The following STX8 variants were observed in gnomAD, a reference collection of about 807,000 sequenced individuals.
STX8 encodes the protein syntaxin-8.
Under a neutral mutation model 37.5 loss-of-function variants are expected in STX8, and 23 were observed. The observed-to-expected ratio is 0.61, with a 90% CI of 0.44 to 0.87. The LOEUF is 0.87. Ranked by LOEUF, STX8 falls within the 40% of genes least tolerant of loss-of-function variation. The probability of loss-of-function intolerance (pLI) is 0.00; values close to 1 mark genes in which losing one functional copy is unlikely to be tolerated. For missense variants in STX8, 313 were observed against 284.7 expected, an observed-to-expected ratio of 1.10 and a Z score of -0.71; for synonymous variants, 115 against 99.1, an observed-to-expected ratio of 1.16 and a Z score of -0.95.
At chr17:9,511,034 T>C (rs1218621690) in intron 4 of STX8, among the ~76,000 whole-genome samples, 1 of 152,074 alleles carries the variant, frequency 6.6e-6, no homozygotes, top group Non-Finnish European at 1.5e-5. Flanking sequence ...CCTGGACACA[T>C]ACAACCTATC....
At position 9,302,254 on chromosome 17, in the gene STX8, A is replaced by AC. The variant is rs548905382; in HGVS notation, c.644-51610dup. Among the ~76,000 whole-genome samples, 7 of 152,128 alleles carry AC rather than the reference A, an allele frequency of 4.6e-5. No homozygotes were observed. In the East Asian group the frequency reaches 1.4e-3, roughly 29 times the overall value. Reference sequence around the variant, plus strand: ...TTTAACTCAGCATCTGTGTTTATATACCCCTTCTCATCCTTAATATGGTGG... The same window carrying AC: ...TTTAACTCAGCATCTGTGTTTATATACCCCCTTCTCATCCTTAATATGGTGG... On this transcript the variant is annotated intron_variant, in intron 7 of 7. Coordinates refer to ENST00000306357, the MANE Select transcript of STX8 (RefSeq NM_004853.3).
At chr17:9,523,709 G>C (rs769215231) in intron 4 of STX8, among the ~76,000 whole-genome samples, 149 of 152,162 alleles carry the variant, frequency 9.8e-4, no homozygotes, top group Non-Finnish European at 2.0e-3. Flanking sequence ...ATAAAGTAAA[G>C]GTAAAATGCA....
At chr17:9,281,779 C>T (rs181835418) in intron 7 of STX8, among the ~76,000 whole-genome samples, 175 of 152,266 alleles carry the variant, frequency 1.1e-3, no homozygotes, top group Middle Eastern at 3.4e-3. Flanking sequence ...ATTAAAAATA[C>T]AAAAATCAGC....
At position 9,408,375 on chromosome 17, in the gene STX8, G is replaced by A. The variant is rs375860799; in HGVS notation, c.542-29722C>T. On this transcript the variant is annotated intron_variant, in intron 6 of 7. Transcript: ENST00000306357. The stretch of plus-strand genomic sequence containing the variant: ...ATAAATTAGTTATCCCCAGGAAAGG[G>A]ATAGCCAGTGAGGGAGTCATGAACA... Among the ~76,000 whole-genome samples, 27 of 152,278 alleles carry A rather than the reference G, an allele frequency of 1.8e-4. No homozygotes were observed. In the East Asian group the frequency reaches 4.4e-3, roughly 25 times the overall value.
At chr17:9,403,755 T>G (rs1165528607) in intron 6 of STX8, among the ~76,000 whole-genome samples, 1 of 152,002 alleles carries the variant, frequency 6.6e-6, no homozygotes, top group Non-Finnish European at 1.5e-5. Flanking sequence ...CAAGCAATTC[T>G]CCTGCCTCAG....
intron 4 of STX8, among the ~76,000 whole-genome samples, chr17:9,539,365 T>C (rs35801372): frequency 0.56 from 85,620 of 151,902 alleles, 26,118 homozygotes; most frequent in East Asian, 0.84. Flanking sequence ...GAAACAGAGG[T>C]AGGGGCTCTA....
chr17:9,539,529 A>G (rs1251033908), intron 4 of STX8, among the ~76,000 whole-genome samples: 3 of 152,180 alleles, frequency 2.0e-5, no homozygotes, highest in Non-Finnish European at 4.4e-5. Context: ...TTCCTGACAA[A>G]ATGTGCCATA....
chr17:9,324,419 T>A (rs1363188205), intron 7 of STX8, among the ~76,000 whole-genome samples: 1 of 151,990 alleles, frequency 6.6e-6, no homozygotes, highest in Non-Finnish European at 1.5e-5. Flanking sequence ...TTCTCCACCC[T>A]GTGAGCTCCT....
Position 9,515,519 on chromosome 17 carries a change from TCATTCATC to T in STX8, c.324-10365_324-10358del, listed in dbSNP as rs571938922. Among the ~76,000 whole-genome samples, 179 of 152,226 alleles carry T rather than the reference TCATTCATC, an allele frequency of 1.2e-3. 1 individual carries two copies. The highest frequency in any genetic ancestry group is 4.1e-3 in the African/African-American group (172 of 41,524). On this transcript the variant is annotated intron_variant, in intron 4 of 7. Coordinates refer to ENST00000306357, the MANE Select transcript of STX8 (RefSeq NM_004853.3). ...CTCTCTCTCTCTCTCTCTCATTCAT[TCATTCATC>T]CATTCATTTATTTGAAACAGGGTCT...
chr17:9,370,613 A>T (rs1911373210), intron 7 of STX8, among the ~76,000 whole-genome samples: 1 of 152,218 alleles, frequency 6.6e-6, no homozygotes, highest in African/African-American at 2.4e-5. Flanking sequence ...CACATCACTG[A>T]AACACTACTA....
chr17:9,458,401 G>A (rs1351936986), intron 6 of STX8, among the ~76,000 whole-genome samples: 2 of 151,350 alleles, frequency 1.3e-5, no homozygotes, highest in Non-Finnish European at 2.9e-5. Context: ...CGCCCGCCTT[G>A]GCCTCCCAAA....
intron 7 of STX8, among the ~76,000 whole-genome samples, chr17:9,349,389 C>T (rs1017827228): frequency 1.4e-5 from 2 of 138,484 alleles, no homozygotes; most frequent in African/African-American, 5.5e-5. Flanking sequence ...GGCGCAATCT[C>T]GCCTCACTGT....
At position 9,411,423 on chromosome 17, in the gene STX8, C is replaced by T. The variant is rs544723597; in HGVS notation, c.542-32770G>A. On this transcript the variant is annotated intron_variant, in intron 6 of 7. Transcript: ENST00000306357. ...AAAAGCCTTTGTTGTAGCATGAAGACTCTAAAATCCCTGGCTATAAAACGA... is the reference window on the plus strand; with the variant it reads ...AAAAGCCTTTGTTGTAGCATGAAGATTCTAAAATCCCTGGCTATAAAACGA... Among the ~76,000 whole-genome samples the T allele has an allele frequency of 6.0e-4, 92 of 152,334 alleles. 1 individual carries two copies. The highest frequency in any genetic ancestry group is 2.1e-3 in the African/African-American group (89 of 41,578).
chr17:9,458,978 C>A (rs1234333720), intron 6 of STX8, among the ~76,000 whole-genome samples: 1 of 151,888 alleles, frequency 6.6e-6, no homozygotes, highest in African/African-American at 2.4e-5. Context: ...TACAGGCGCC[C>A]ACCACCACGC....
chr17:9,481,223 G>A (rs942696485), intron 6 of STX8, among the ~76,000 whole-genome samples: 3 of 152,058 alleles, frequency 2.0e-5, no homozygotes, highest in African/African-American at 2.4e-5. Flanking sequence ...CCCATAAAGT[G>A]CCTCATGCCA....
intron 4 of STX8, among the ~76,000 whole-genome samples, chr17:9,510,617 A>T (rs1223729946): frequency 1.3e-5 from 2 of 152,134 alleles, no homozygotes; most frequent in African/African-American, 2.4e-5. Flanking sequence ...GACACAGCAA[A>T]AGTAGTACTA....
At chr17:9,568,650 G>A (rs1041432247) in intron 1 of STX8, among the ~76,000 whole-genome samples, 180 bp from the exon 2 acceptor site, 1 of 152,118 alleles carries the variant, frequency 6.6e-6, no homozygotes, top group African/African-American at 2.4e-5. Flanking sequence ...ACAGGCGCCC[G>A]CTATCATGCC....
chr17:9,253,301 G>A (rs1196799919), intron 7 of STX8, among the ~76,000 whole-genome samples: 2 of 151,844 alleles, frequency 1.3e-5, no homozygotes, highest in African/African-American at 2.4e-5. Flanking sequence ...GTGTGTATGC[G>A]TATGTGTGTG....
At chr17:9,513,560 T>C (rs1166266807) in intron 4 of STX8, among the ~76,000 whole-genome samples, 1 of 152,208 alleles carries the variant, frequency 6.6e-6, no homozygotes, top group African/African-American at 2.4e-5. Context: ...GGAACTCTTA[T>C]ACACAGATGG....
Sources: gnomAD v4.1 joint callset for allele counts (sites outside exome capture counted in the v4.1 genomes callset) on GRCh38, gnomAD v4.1.1 for gene constraint, MANE v1.5 for transcripts, NCBI Gene and HGNC (gene_info 2026-07-23, HGNC 2026-07-21) for gene names.